Variants in PHC3 observed in about 807,000 individuals in gnomAD.
PHC3 encodes the protein polyhomeotic-like protein 3.
Under a neutral mutation model 107.4 loss-of-function variants are expected in PHC3, and 13 were observed. The observed-to-expected ratio is 0.12, with a 90% CI of 0.08 to 0.19. The LOEUF (loss-of-function observed/expected upper bound fraction) is 0.19, where lower values mean the gene tolerates loss of function less well. Ranked by LOEUF, PHC3 falls within the 10% of genes least tolerant of loss-of-function variation. The probability of loss-of-function intolerance (pLI) is 1.00; values close to 1 mark genes in which losing one functional copy is unlikely to be tolerated. For missense variants in PHC3, 992 were observed against 1,210.9 expected (o/e 0.82, Z 2.68); for synonymous variants, 456 against 427.4 (o/e 1.07, Z -0.83).
chr3:170,172,680 G>A lies in PHC3; in HGVS notation c.213C>T (p.Ser71=), dbSNP rs1286210771. 5.0e-6 allele frequency: 8 copies of A among 1,610,758 alleles called. No individual in the cohort carries two copies. The South Asian group carries it at 5.5e-5, about 11-fold the overall frequency. Residue 71 remains serine (S), a synonymous_variant, in exon 3 of 15, where the codon AGC becomes AGT. Coordinates refer to ENST00000495893, the MANE Select transcript of PHC3 (RefSeq NM_024947.4). ...VIQQALHRPP[S]SAAQYLQQMY... ...TTTGCTGAAGGTACTGAGCAGCTGA[G>A]CTGGGGGGCCGATGCAATGCCTGTT... is the stretch of plus-strand genomic sequence containing the variant.
chr3:170,122,853 C>T, intron 8 of PHC3, 109 bp from the exon 9 acceptor site: 1 of 1,221,768 alleles, frequency 8.2e-7, no homozygotes, highest in Non-Finnish European at 1.1e-6. Context: ...AAAAACAAGG[C>T]AAAAATGACT....
intron 4 of PHC3, among the ~76,000 whole-genome samples, chr3:170,153,933 T>C (rs915910174): frequency 6.6e-6 from 1 of 152,076 alleles, no homozygotes; most frequent in Non-Finnish European, 1.5e-5. Flanking sequence ...CCTGACTAGA[T>C]TGAGCATCCT....
At chr3:170,126,523 TA>T (rs1193724323) in intron 8 of PHC3, among the ~76,000 whole-genome samples, 928 of 79,896 alleles carry the variant, frequency 0.012, 11 homozygotes, top group African/African-American at 0.02. Flanking sequence ...TATATATATA[TA>T]TATATTTTTT....
chr3:170,178,050 T>C (rs1327545599), intron 2 of PHC3, among the ~76,000 whole-genome samples: 1 of 152,172 alleles, frequency 6.6e-6, no homozygotes, highest in Non-Finnish European at 1.5e-5. Context: ...GTTGGAAACT[T>C]AATCTCCAAT....
intron 2 of PHC3, among the ~76,000 whole-genome samples, chr3:170,174,844 T>TA (rs1730165915): frequency 6.6e-6 from 1 of 152,232 alleles, no homozygotes; most frequent in South Asian, 2.1e-4. Flanking sequence ...GATTCAGAAT[T>TA]ATAACAATAT....
chr3:170,156,740 G>C (rs1397075763), intron 4 of PHC3, among the ~76,000 whole-genome samples: 1 of 152,036 alleles, frequency 6.6e-6, no homozygotes, highest in African/African-American at 2.4e-5. Flanking sequence ...TGGGATTACA[G>C]GGCTTGCTAC....
intron 6 of PHC3, 24 bp from the exon 7 acceptor site, chr3:170,136,689 T>C (rs892240762): frequency 6.2e-7 from 1 of 1,608,064 alleles, no homozygotes; most frequent in Non-Finnish European, 8.5e-7. Context: ...AACAGAAAAT[T>C]AGGATGAAAA....
At chr3:170,161,716 G>A (rs552448998) in intron 4 of PHC3, among the ~76,000 whole-genome samples, 29 of 152,320 alleles carry the variant, frequency 1.9e-4, no homozygotes, top group South Asian at 4.1e-4. Context: ...TAGAGGCTGG[G>A]AAGTCCAAAA....
At chr3:170,111,444 G>A (rs1717753006) in intron 11 of PHC3, among the ~76,000 whole-genome samples, 1 of 151,074 alleles carries the variant, frequency 6.6e-6, no homozygotes, top group Non-Finnish European at 1.5e-5. Flanking sequence ...AGAAAGGAAA[G>A]AGAAGAGAAG....
At chr3:170,129,682 A>T (rs1439277416) in intron 7 of PHC3, 130 bp from the exon 8 acceptor site, 8 of 1,071,692 alleles carry the variant, frequency 7.5e-6, no homozygotes, top group Non-Finnish European at 1.1e-5. Context: ...TTTTCCAAAC[A>T]AGAGTAATTT....
At chr3:170,162,919 T>TTAA (rs1388699973) in intron 4 of PHC3, among the ~76,000 whole-genome samples, 2 of 152,236 alleles carry the variant, frequency 1.3e-5, no homozygotes, top group African/African-American at 4.8e-5. Flanking sequence ...AAAGGCCACC[T>TTAA]TTATTAACAA....
chr3:170,149,491 G>C (rs1725548475), intron 4 of PHC3, among the ~76,000 whole-genome samples: 1 of 151,500 alleles, frequency 6.6e-6, no homozygotes, highest in Non-Finnish European at 1.5e-5. Context: ...TTTCGCTCTT[G>C]TTGCCCAGAC....
At chr3:170,123,191 TCTTC>T (rs879489067) in intron 8 of PHC3, among the ~76,000 whole-genome samples, 3 of 152,184 alleles carry the variant, frequency 2.0e-5, no homozygotes, top group Non-Finnish European at 2.9e-5. Context: ...TATCCCAGGC[TCTTC>T]CTTATTATTA....
rs763135360 is a variant in PHC3 at position 170,129,489 on chromosome 3, G to C, written c.983C>G (p.Pro328Arg). ...CTGATGATGGGAAACTTTGGAAGGT[G>C]GTGAATGAAGAGGAATCTGCTGATG... is the stretch of plus-strand genomic sequence containing the variant. Reference protein sequence around the residue: ...IKHQQIPLHSPPSKVSHHQLI... With the variant: ...IKHQQIPLHSRPSKVSHHQLI... The change falls in exon 8 of 15, where the codon CCA becomes CGA. Residue 328 changes from proline (P) to arginine (R), a missense_variant. Transcript: ENST00000495893. The C allele has an allele frequency of 6.2e-7, 1 of 1,613,740 alleles. No individual in the cohort carries two copies. Among genetic ancestry groups the C allele is most frequent in the Admixed American group, 1.7e-5 (1 of 60,002 alleles).
chr3:170,123,148 C>A (rs996812493), intron 8 of PHC3, among the ~76,000 whole-genome samples: 1 of 152,156 alleles, frequency 6.6e-6, no homozygotes, highest in Admixed American at 6.6e-5. Context: ...CGAATTCCTA[C>A]AATGACACAC....
At chr3:170,126,086 T>A (rs986281017) in intron 8 of PHC3, 28 of 412,938 alleles carry the variant, frequency 6.8e-5, no homozygotes, top group Non-Finnish European at 8.5e-5. Flanking sequence ...AAAACTTTAA[T>A]TCTTAAGTAT....
intron 4 of PHC3, among the ~76,000 whole-genome samples, chr3:170,166,191 C>T (rs570950322): frequency 2.0e-5 from 3 of 152,056 alleles, no homozygotes; most frequent in African/African-American, 4.8e-5. Context: ...ATTATAGGCA[C>T]GTACCACCAT....
intron 12 of PHC3, among the ~76,000 whole-genome samples, chr3:170,104,252 T>G (rs1313325904): frequency 6.6e-6 from 1 of 151,960 alleles, no homozygotes; most frequent in East Asian, 1.9e-4. Flanking sequence ...CATCCTTAGC[T>G]CATGAGCCCA....
intron 11 of PHC3, among the ~76,000 whole-genome samples, chr3:170,111,427 A>G (rs1311513842): frequency 6.6e-6 from 1 of 151,626 alleles, no homozygotes; most frequent in East Asian, 1.9e-4. Flanking sequence ...GAAAGAAGGA[A>G]GGAGAAAGAA....
Sources: allele counts gnomAD v4.1 joint callset (sites outside exome capture counted in the v4.1 genomes callset), GRCh38; gene constraint gnomAD v4.1.1; transcripts MANE v1.5; gene names NCBI Gene and HGNC (gene_info 2026-07-23, HGNC 2026-07-21).